Variants in EHD2 observed in about 807,000 individuals in gnomAD.
The protein encoded by EHD2 is EH domain-containing protein 2.
EHD2 carries 27 observed loss-of-function variants against 41.0 expected under a neutral mutation model. The observed-to-expected ratio is 0.66, with a 90% CI of 0.49 to 0.91. EHD2 has a LOEUF of 0.91. Ranked by LOEUF, EHD2 falls within the 40% of genes least tolerant of loss-of-function variation. The pLI is 0.00. For missense variants in EHD2, 673 were observed against 773.9 expected, an observed-to-expected ratio of 0.87 and a Z score of 1.55; for synonymous variants, 342 against 341.0, an observed-to-expected ratio of 1.00 and a Z score of -0.03.
chr19:47,722,533 C>G (rs984952600), intron 3 of EHD2, among the ~76,000 whole-genome samples: 2 of 152,022 alleles, frequency 1.3e-5, no homozygotes, highest in Non-Finnish European at 2.9e-5. Flanking sequence ...TCGCCTCTTA[C>G]CTGTGTGTCT....
intron 3 of EHD2, among the ~76,000 whole-genome samples, chr19:47,720,341 A>AT (rs987375889): frequency 1.5e-4 from 22 of 150,068 alleles, no homozygotes; most frequent in Admixed American, 5.4e-4. Context: ...TAATTTTTGT[A>AT]TTTTTTTTTA....
chr19:47,737,766 A>G (rs972899597), intron 5 of EHD2, among the ~76,000 whole-genome samples: 3 of 151,930 alleles, frequency 2.0e-5, no homozygotes, highest in African/African-American at 7.2e-5. Context: ...GCTGGAGTGC[A>G]ATGGGGTGAT....
intron 3 of EHD2, among the ~76,000 whole-genome samples, chr19:47,720,163 CTT>C (rs768454681): frequency 4.0e-5 from 6 of 150,290 alleles, no homozygotes; most frequent in African/African-American, 7.3e-5. Flanking sequence ...GGCTGGAAGA[CTT>C]TGTTTTGTTT....
intron 3 of EHD2, among the ~76,000 whole-genome samples, chr19:47,724,121 C>G (rs765475639): frequency 6.0e-5 from 9 of 151,072 alleles, no homozygotes; most frequent in Non-Finnish European, 1.2e-4. Flanking sequence ...CTCTGTCGCC[C>G]AGACTGGAGT....
chr19:47,735,705 C>G (rs1966914375), intron 4 of EHD2, among the ~76,000 whole-genome samples: 1 of 150,420 alleles, frequency 6.6e-6, no homozygotes, highest in Non-Finnish European at 1.5e-5. Flanking sequence ...GAGTTCAAGA[C>G]CAGCCTGGCC....
At chr19:47,722,793 C>T (rs1381409760) in intron 3 of EHD2, among the ~76,000 whole-genome samples, 1 of 152,150 alleles carries the variant, frequency 6.6e-6, no homozygotes, top group Non-Finnish European at 1.5e-5. Context: ...GTCTCGAACT[C>T]CTGACCTCAG....
At chr19:47,717,093 G>C (rs964259226) in intron 2 of EHD2, 77 bp downstream of exon 2, 1 of 1,571,934 alleles carries the variant, frequency 6.4e-7, no homozygotes, top group Non-Finnish European at 8.6e-7. Context: ...TTTCGCCCAG[G>C]CTGGAGTGCA....
At chr19:47,720,655 G>T (rs1272620169) in intron 3 of EHD2, among the ~76,000 whole-genome samples, 3 of 152,162 alleles carry the variant, frequency 2.0e-5, no homozygotes, top group Non-Finnish European at 4.4e-5. Context: ...CATTGTAGGT[G>T]TGAGTCTGAC....
chr19:47,740,894 C>T lies in EHD2; in HGVS notation c.1094C>T (p.Ala365Val), dbSNP rs1054930244. 5.0e-5 allele frequency: 80 copies of T among 1,613,030 alleles called. No homozygotes were observed. The highest frequency in any genetic ancestry group is 6.3e-5 in the Non-Finnish European group (74 of 1,179,944). ...DCQKMQELLMAHDFTKFHSLK... is the reference protein window; with the variant it reads ...DCQKMQELLMVHDFTKFHSLK... ...CCCCCACCACAGGAGCTGCTGATGG[C>T]GCACGACTTCACCAAGTTTCACTCG... The change falls in exon 6 of 6, where the codon GCG (alanine) becomes GTG (valine). Residue 365 changes from alanine (A) to valine (V), a missense_variant. By Grantham distance (64) the Ala-to-Val change is moderately conservative. Coordinates refer to ENST00000263277, the MANE Select transcript of EHD2 (RefSeq NM_014601.4).
Position 47,719,765 on chromosome 19 carries a change from G to GCTCCCACCCCAGGGCCTGGAC in EHD2, c.502+1162_502+1182dup, listed in dbSNP as rs1334998111. Among the ~76,000 whole-genome samples the GCTCCCACCCCAGGGCCTGGAC allele has an allele frequency of 1.0e-3, 158 of 152,100 alleles. No individual in the cohort carries two copies. Among genetic ancestry groups the GCTCCCACCCCAGGGCCTGGAC allele is most frequent in the Non-Finnish European group, 1.1e-3 (78 of 67,958 alleles). On this transcript the variant is annotated intron_variant, in intron 3 of 5. Coordinates refer to ENST00000263277, the MANE Select transcript of EHD2 (RefSeq NM_014601.4). This position sits in a 1 kb window ranked among gnomAD's most constrained non-coding sequence, Gnocchi z 4.1. The stretch of plus-strand genomic sequence containing the variant: ...CAGCTGAGGGGGAGGAATTCCTGGG[G>GCTCCCACCCCAGGGCCTGGAC]CTCCCACCCCAGGGCCTGGACCTGG...
rs1226962500 is a variant in EHD2 at position 47,724,976 on chromosome 19, T to C, written c.503-836T>C. ...CAGCCTGGGCGACAGAGTGAGACTCTGTCTCAAAAAAAAAAAAAAAAAAAA... is the reference window on the plus strand; with the variant it reads ...CAGCCTGGGCGACAGAGTGAGACTCCGTCTCAAAAAAAAAAAAAAAAAAAA... On this transcript the variant is annotated intron_variant, in intron 3 of 5. Coordinates refer to ENST00000263277, the MANE Select transcript of EHD2 (RefSeq NM_014601.4). Among the ~76,000 whole-genome samples the C allele has an allele frequency of 8.9e-5, 7 of 78,510 alleles. No homozygotes were observed. The South Asian group carries it at 2.2e-3, about 24-fold the overall frequency. 51.5% of individuals were successfully genotyped at this position (78,510 alleles called of 152,430 possible). A position where few individuals can be genotyped will look rare whatever the true frequency, so the allele number is the denominator to read the frequency against.
intron 1 of EHD2, among the ~76,000 whole-genome samples, chr19:47,715,098 G>A (rs1973612366): frequency 6.6e-6 from 1 of 150,526 alleles, no homozygotes; most frequent in Non-Finnish European, 1.5e-5. Context: ...GAAAAGCAAA[G>A]CAAAGCAGGG....
intron 3 of EHD2, among the ~76,000 whole-genome samples, chr19:47,722,006 CAA>C (rs1454551211): frequency 2.5e-5 from 3 of 118,790 alleles, no homozygotes; most frequent in South Asian, 2.7e-4. Flanking sequence ...AACAGAAAAA[CAA>C]AACACACACA....
At chr19:47,728,422 T>TTGAA (rs1973774119) in intron 4 of EHD2, among the ~76,000 whole-genome samples, 3 of 152,058 alleles carry the variant, frequency 2.0e-5, no homozygotes, top group Admixed American at 2.0e-4. Context: ...ATGCCCTCCT[T>TTGAA]TGAATGAATA....
chr19:47,728,914 C>T (rs73051731), intron 4 of EHD2, among the ~76,000 whole-genome samples: 5,995 of 152,306 alleles, frequency 0.039, 209 homozygotes, highest in African/African-American at 0.09. Context: ...CCCCAGTGCC[C>T]GGAACAGAAT....
In EHD2 at chr19:47,741,007, G is replaced by A; in HGVS notation, c.1207G>A (p.Glu403Lys). The change falls in exon 6 of 6, where the codon GAG becomes AAG. Residue 403 changes from glutamate to lysine, a missense_variant. Glu to Lys is a moderately conservative substitution (Grantham distance 56). Coordinates refer to ENST00000263277, the MANE Select transcript of EHD2 (RefSeq NM_014601.4). This position sits in a 1 kb window ranked among gnomAD's most constrained non-coding sequence, Gnocchi z 4.5. Reference sequence around the variant, plus strand: ...GCCCCTGCTGCGGCAGGAGGAGCTGGAGAGCACCGAGGTGGGCGTGCAGGG... The same window carrying A: ...GCCCCTGCTGCGGCAGGAGGAGCTGAAGAGCACCGAGGTGGGCGTGCAGGG... ...LMPLLRQEEL[E>K]STEVGVQGGA... 6.2e-7 allele frequency: 1 copy of A among 1,610,902 alleles called. No homozygotes were observed. The highest frequency in any genetic ancestry group is 1.1e-5 in the South Asian group (1 of 91,084).
At position 47,725,955 on chromosome 19, in the gene EHD2, G is replaced by A. The variant is rs777450158; in HGVS notation, c.646G>A (p.Val216Met). Reference sequence around the variant, plus strand: ...GCGGGGCCATGAGGACAAGATCCGCGTGGTGCTCAACAAGGCCGACATGGT... The same window carrying A: ...GCGGGGCCATGAGGACAAGATCCGCATGGTGCTCAACAAGGCCGACATGGT... ...ALRGHEDKIRVVLNKADMVET... is the reference protein window; with the variant it reads ...ALRGHEDKIRMVLNKADMVET... The change falls in exon 4 of 6, where the codon GTG (valine) becomes ATG (methionine). Residue 216 changes from valine to methionine, a missense_variant. Transcript: ENST00000263277. 1.2e-6 allele frequency: 2 copies of A among 1,613,678 alleles called. No homozygotes were observed. Among genetic ancestry groups the A allele is most frequent in the Non-Finnish European group, 1.7e-6 (2 of 1,179,692 alleles).
At chr19:47,725,776 G>GC (rs753302685) in intron 3 of EHD2, 36 bp from the exon 4 acceptor site, 1 of 1,546,016 alleles carries the variant, frequency 6.5e-7, no homozygotes, top group African/African-American at 1.4e-5. Flanking sequence ...TCTGATTTCT[G>GC]CCCCTTGCGC....
intron 5 of EHD2, 112 bp from the exon 6 acceptor site, chr19:47,740,769 A>C: frequency 8.6e-7 from 1 of 1,164,128 alleles, no homozygotes; most frequent in Non-Finnish European, 1.2e-6. Flanking sequence ...CAGTAAAAAA[A>C]CCCCACAACA....
Sources: gnomAD v4.1 joint callset for allele counts (sites outside exome capture counted in the v4.1 genomes callset) on GRCh38, gnomAD v4.1.1 for gene constraint, Gnocchi (gnomAD v3.1) non-coding constraint, MANE v1.5 for transcripts, NCBI Gene and HGNC (gene_info 2026-07-23, HGNC 2026-07-21) for gene names.